Variants in CHLSN observed in about 807,000 individuals in gnomAD.
CHLSN encodes cholesin.
chr7:1,021,822 A>G, the CHLSN span, among the ~76,000 whole-genome samples: 10 of 152,388 alleles, frequency 6.6e-5, no homozygotes, highest in Non-Finnish European at 1.2e-4. Flanking sequence ...TGTGCCTGGC[A>G]CAGGGAAACA....
At chr7:995,875 G>A in the CHLSN span, among the ~76,000 whole-genome samples, 1 of 152,260 alleles carries the variant, frequency 6.6e-6, no homozygotes, top group Non-Finnish European at 1.5e-5. Flanking sequence ...CAACAGTTGG[G>A]GGACGGGGCT....
chr7:981,511 C>T, the CHLSN span, among the ~76,000 whole-genome samples: 2 of 151,286 alleles, frequency 1.3e-5, no homozygotes, highest in African/African-American at 2.4e-5. Flanking sequence ...GTCAAGAGAT[C>T]GAGACTGTCC....
chr7:1,091,907 T>A, the CHLSN span: 18 of 1,613,922 alleles, frequency 1.1e-5, no homozygotes, highest in South Asian at 2.2e-5. Context: ...ATCGGCCTGT[T>A]CCTCTCGTGC....
At chr7:1,002,229 G>C in the CHLSN span, among the ~76,000 whole-genome samples, 12 of 117,930 alleles carry the variant, frequency 1.0e-4, no homozygotes, top group Non-Finnish European at 2.0e-4. Flanking sequence ...CTGCGGGTGA[G>C]TGGAGTCCTG....
At chr7:1,129,584 C>T in the CHLSN span, among the ~76,000 whole-genome samples, 2 of 152,220 alleles carry the variant, frequency 1.3e-5, no homozygotes, top group African/African-American at 4.8e-5. Flanking sequence ...CAGCTGTAAC[C>T]ACAGGCGCAT....
the CHLSN span, among the ~76,000 whole-genome samples, chr7:1,103,626 G>C: frequency 6.6e-6 from 1 of 152,166 alleles, no homozygotes; most frequent in African/African-American, 2.4e-5. Context: ...CTTTCATTAT[G>C]ATCAAATTTA....
chr7:1,022,812 C>G, the CHLSN span: 9,900 of 308,444 alleles, frequency 0.032, 850 homozygotes, highest in African/African-American at 0.19. Context: ...CCCATGCTCT[C>G]CCCCTTCCAT....
chr7:1,022,185 G>A, the CHLSN span, among the ~76,000 whole-genome samples: 1 of 152,214 alleles, frequency 6.6e-6, no homozygotes, highest in African/African-American at 2.4e-5. Flanking sequence ...CAGGAGGGAA[G>A]GACCAGAAGC....
the CHLSN span, among the ~76,000 whole-genome samples, chr7:1,133,948 A>C: frequency 0.082 from 12,530 of 152,044 alleles, 684 homozygotes; most frequent in South Asian, 0.12. Context: ...CTGGCACTAC[A>C]GGTGTACACC....
At chr7:1,011,263 A>C in the CHLSN span, among the ~76,000 whole-genome samples, 1 of 120,556 alleles carries the variant, frequency 8.3e-6, no homozygotes, top group Non-Finnish European at 1.7e-5. Context: ...CATACCCAAC[A>C]CACCCACACC....
At chr7:1,131,206 A>C in the CHLSN span, among the ~76,000 whole-genome samples, 1 of 151,832 alleles carries the variant, frequency 6.6e-6, no homozygotes, top group East Asian at 1.9e-4. Context: ...AAAAAAAAAA[A>C]AAAAAAAAAG....
chr7:1,121,830 C>T, the CHLSN span, among the ~76,000 whole-genome samples: 27 of 152,162 alleles, frequency 1.8e-4, no homozygotes, highest in Non-Finnish European at 3.4e-4. Context: ...CCACCCACTG[C>T]ACTCACACAG....
chr7:1,021,893 G>A, the CHLSN span, among the ~76,000 whole-genome samples: 1 of 152,228 alleles, frequency 6.6e-6, no homozygotes, highest in African/African-American at 2.4e-5. Context: ...ACTGAGTCCT[G>A]GGGAGCAGGA....
the CHLSN span, among the ~76,000 whole-genome samples, chr7:1,060,672 C>T: frequency 1.3e-5 from 2 of 152,292 alleles, no homozygotes; most frequent in Admixed American, 1.3e-4. Flanking sequence ...CTCAGACCCG[C>T]GGGACAGGCT....
the CHLSN span, chr7:985,410 CCT>C: frequency 7.1e-7 from 1 of 1,403,968 alleles, no homozygotes; most frequent in African/African-American, 1.4e-5. Context: ...AGTGCTGTCC[CCT>C]CTCAGCTTCT....
the CHLSN span, among the ~76,000 whole-genome samples, chr7:1,054,112 G>A: frequency 1.8e-4 from 27 of 152,326 alleles, no homozygotes; most frequent in African/African-American, 3.4e-4. Context: ...CTTTAGGAAC[G>A]TCCCCCAGAG....
At chr7:999,425 G>C in the CHLSN span, among the ~76,000 whole-genome samples, 1 of 151,680 alleles carries the variant, frequency 6.6e-6, no homozygotes, top group Non-Finnish European at 1.5e-5. Flanking sequence ...TTGCAATAGG[G>C]CTTACAATCG....
chr7:1,116,477 A>AG, the CHLSN span, among the ~76,000 whole-genome samples: 1 of 89,208 alleles, frequency 1.1e-5, no homozygotes, highest in Non-Finnish European at 2.0e-5. Context: ...CTGCAGTTCT[A>AG]GGACCAGCTT....
the CHLSN span, among the ~76,000 whole-genome samples, chr7:1,013,576 G>A: frequency 8.7e-4 from 132 of 152,342 alleles, no homozygotes; most frequent in African/African-American, 3.1e-3. Context: ...TGCAGTCTGG[G>A]GCCACTCTTC....
Sources: gnomAD v4.1 joint callset for allele counts (sites outside exome capture counted in the v4.1 genomes callset) on GRCh38, gnomAD v4.1.1 for gene constraint, MANE v1.5 for transcripts, NCBI Gene and HGNC (gene_info 2026-07-23, HGNC 2026-07-21) for gene names.